TNXB: variants seen among roughly 807,000 people sequenced by gnomAD.
The protein encoded by TNXB is tenascin-X.
Under a neutral mutation model 340.5 loss-of-function variants are expected in TNXB, and 183 were observed. The observed-to-expected ratio is 0.54, with a 90% confidence interval of 0.48 to 0.61. The LOEUF is 0.61. Ranked by LOEUF, TNXB falls within the 20% of genes least tolerant of loss-of-function variation. The pLI is 0.00. For missense variants in TNXB, 4,613 were observed against 5,446.4 expected (o/e 0.85, Z 4.82); for synonymous variants, 2,121 against 2,314.5 (o/e 0.92, Z 2.40).
chr6:32,059,730 T>TC (rs1777898415), intron 21 of TNXB, among the ~76,000 whole-genome samples: 1 of 151,930 alleles, frequency 6.6e-6, no homozygotes, highest in South Asian at 2.1e-4. Flanking sequence ...ATGAGGCCTC[T>TC]CCCCCAGGAA....
At position 32,084,359 on chromosome 6, in the gene TNXB, G is replaced by A; in HGVS notation, c.3445+54C>T. ...TCCCAAAGCAGGTTCCCAAAGCACT[G>A]AGAAAACCTCTTCAGGGCAGTACAG... On this transcript the variant is annotated intron_variant, in intron 8 of 43. Coordinates refer to ENST00000644971, the MANE Select transcript of TNXB (RefSeq NM_001365276.2). This position sits in a 1 kb window ranked among gnomAD's most constrained non-coding sequence, Gnocchi z 5.5. The A allele has an allele frequency of 6.7e-7, 1 of 1,490,676 alleles. No individual in the cohort carries two copies. Among genetic ancestry groups the A allele is most frequent in the Middle Eastern group, 1.8e-4 (1 of 5,548 alleles). The allele number at this position is 1,490,676 out of a possible 1,614,324, so 92.3% of individuals were successfully genotyped here.
In TNXB at chr6:32,097,335, G is replaced by A; in HGVS notation, c.518C>T (p.Ala173Val). Residue 173 changes from alanine (A) to valine (V), a missense_variant, in exon 3 of 44, where the codon GCT (alanine) becomes GTT (valine). Physicochemically the swap from Ala to Val is moderately conservative, Grantham distance 64 (BLOSUM62 0). This residue lies in a region of TNXB where 4,327 missense variants were observed against 4,859.4 expected (regional missense o/e 0.89). Coordinates refer to ENST00000644971, the MANE Select transcript of TNXB (RefSeq NM_001365276.2). This position sits in a 1 kb window ranked among gnomAD's most constrained non-coding sequence, Gnocchi z 5.9. ...GGPTCSDPTD[A>V]EIPPSSPPSA... ...GGGTGGGGAAGAGGGAGGGATCTCA[G>A]CATCTGTGGGGTCTGAGCAGGTGGG... is the stretch of plus-strand genomic sequence containing the variant. 1 of 1,613,486 alleles carries A rather than the reference G, an allele frequency of 6.2e-7. No homozygotes were observed. Among genetic ancestry groups the A allele is most frequent in the Non-Finnish European group, 8.5e-7 (1 of 1,179,882 alleles).
Position 32,070,096 on chromosome 6 carries a change from A to G in TNXB, c.5278+31T>C. 1 of 1,515,374 alleles carries G rather than the reference A, an allele frequency of 6.6e-7. No homozygotes were observed. The allele number at this position is 1,515,374 out of a possible 1,614,324, so 93.9% of individuals were successfully genotyped here. ...GTCTGCTGCTTGGCCTGAGGGGAGC[A>G]GAGCAGGGACCTGCAGGGAATGCCC... is the stretch of plus-strand genomic sequence containing the variant. On this transcript the variant is annotated intron_variant, in intron 14 of 43. Coordinates refer to ENST00000644971, the MANE Select transcript of TNXB (RefSeq NM_001365276.2). The surrounding 1 kb of genome is among the most constrained non-coding windows in gnomAD (Gnocchi z 6.0).
chr6:32,092,118 C>T (rs1372029909), intron 4 of TNXB, among the ~76,000 whole-genome samples: 1 of 152,162 alleles, frequency 6.6e-6, no homozygotes, highest in Non-Finnish European at 1.5e-5. Context: ...CTTAGGGGGC[C>T]TCAGGCTGGA....
chr6:32,060,332 CA>C (rs9279480), intron 21 of TNXB, among the ~76,000 whole-genome samples: 5,211 of 128,936 alleles, frequency 0.04, 207 homozygotes, highest in African/African-American at 0.079. Flanking sequence ...AACTTCATCT[CA>C]AAAAAAAAAA....
Position 32,088,922 on chromosome 6 carries a change from C to T in TNXB, c.2642G>A (p.Arg881Lys), listed in dbSNP as rs1488029406. 6.2e-7 allele frequency: 1 copy of T among 1,601,364 alleles called. No homozygotes were observed. Among genetic ancestry groups the T allele is most frequent in the African/African-American group, 1.3e-5 (1 of 74,680 alleles). ...VVSYVSAGNQRVRLEVPPEAD... is the reference protein window; with the variant it reads ...VVSYVSAGNQKVRLEVPPEAD... Reference sequence around the variant, plus strand: ...TTCAGGGGGCACTTCCAGCCTCACCCTCTGGTTGCCGGCACTGACGTAGGA... The same window carrying T: ...TTCAGGGGGCACTTCCAGCCTCACCTTCTGGTTGCCGGCACTGACGTAGGA... Residue 881 changes from arginine (R) to lysine (K), a missense_variant, in exon 6 of 44, where the codon AGG becomes AAG. Physicochemically the swap from Arg to Lys is conservative, Grantham distance 26. This residue lies in a region of TNXB where 4,327 missense variants were observed against 4,859.4 expected (regional missense o/e 0.89). Coordinates refer to ENST00000644971, the MANE Select transcript of TNXB (RefSeq NM_001365276.2).
chr6:32,059,410 C>A (rs1777876303), intron 21 of TNXB, among the ~76,000 whole-genome samples: 2 of 128,548 alleles, frequency 1.6e-5, no homozygotes, highest in African/African-American at 6.0e-5. Context: ...CAGAGTGAGA[C>A]TCAGTCTCAA....
In TNXB at chr6:32,095,693, T is replaced by C; in HGVS notation, c.2160A>G (p.Pro720=). 6.2e-7 allele frequency: 1 copy of C among 1,610,568 alleles called. No homozygotes were observed. Among genetic ancestry groups the C allele is most frequent in the Non-Finnish European group, 8.5e-7 (1 of 1,178,440 alleles). Residue 720 remains proline (P), a synonymous_variant, in exon 3 of 44, where the codon CCA becomes CCG. Transcript: ENST00000644971. Reference sequence around the variant, plus strand: ...ACTCTCCTCGGCCACGGCAGTCCCCTGGGCATGTCTGGATGGCACAGTCAG... The same window carrying C: ...ACTCTCCTCGGCCACGGCAGTCCCCCGGGCATGTCTGGATGGCACAGTCAG... ...RGPDCAIQTC[P]GDCRGRGECH...
chr6:32,089,556 G>C lies in TNXB; in HGVS notation c.2359-177C>G, dbSNP rs937322158. Among the ~76,000 whole-genome samples, 10 of 152,200 alleles carry C rather than the reference G, an allele frequency of 6.6e-5. No individual in the cohort carries two copies. The highest frequency in any genetic ancestry group is 2.6e-4 in the Admixed American group (4 of 15,286). On this transcript the variant is annotated intron_variant, in intron 4 of 43. Coordinates refer to ENST00000644971, the MANE Select transcript of TNXB (RefSeq NM_001365276.2). This position sits in a 1 kb window ranked among gnomAD's most constrained non-coding sequence, Gnocchi z 6.2. ...GAGCGCTAACTCCTTGTGAGCCACT[G>C]TTCTAGGCGAGGTACACACATGAAC... is the stretch of plus-strand genomic sequence containing the variant.
Position 32,046,020 on chromosome 6 carries a change from A to G in TNXB, c.10606+155T>C. On this transcript the variant is annotated intron_variant, in intron 31 of 43. Coordinates refer to ENST00000644971, the MANE Select transcript of TNXB (RefSeq NM_001365276.2). This position sits in a 1 kb window ranked among gnomAD's most constrained non-coding sequence, Gnocchi z 6.9. Reference sequence around the variant, plus strand: ...CTCTGGACTCCTTGATGGATGTTGAAGCCCACAGGGCTGCAGACTCCTCCT... The same window carrying G: ...CTCTGGACTCCTTGATGGATGTTGAGGCCCACAGGGCTGCAGACTCCTCCT... 1 of 1,382,982 alleles carries G rather than the reference A, an allele frequency of 7.2e-7. No homozygotes were observed. The highest frequency in any genetic ancestry group is 2.5e-5 in the East Asian group (1 of 39,388). The allele number at this position is 1,382,982 out of a possible 1,614,324, so 85.7% of individuals were successfully genotyped here.
rs1779058371 is a variant in TNXB, at chr6:32,075,926, G to A, written c.4376-1974C>T. Among the ~76,000 whole-genome samples, 1 of 152,332 alleles carries A rather than the reference G, an allele frequency of 6.6e-6. No homozygotes were observed. On this transcript the variant is annotated intron_variant, in intron 11 of 43. Transcript: ENST00000644971. This position sits in a 1 kb window ranked among gnomAD's most constrained non-coding sequence, Gnocchi z 4.6. The stretch of plus-strand genomic sequence containing the variant: ...GAGGGCAAGACAAGGCTCCAAGCAA[G>A]TGACAACTGCTTAAAACAGGCTGGT...
chr6:32,062,556 T>G lies in TNXB; in HGVS notation c.6842-73A>C. ...TAACCAAGGGACTCTGGGATTCTCT[T>G]AGACACACCAAGGGCCCACAGTCTG... On this transcript the variant is annotated intron_variant, in intron 19 of 43. Transcript: ENST00000644971. The surrounding 1 kb of genome is among the most constrained non-coding windows in gnomAD (Gnocchi z 4.3). 1 of 1,401,912 alleles carries G rather than the reference T, an allele frequency of 7.1e-7. No individual in the cohort carries two copies. The highest frequency in any genetic ancestry group is 1.4e-5 in the South Asian group (1 of 71,418). 86.8% of individuals were successfully genotyped at this position (1,401,912 alleles called of 1,614,324 possible).
At position 32,070,034 on chromosome 6, in the gene TNXB, G is replaced by T; in HGVS notation, c.5278+93C>A. 7.0e-7 allele frequency: 1 copy of T among 1,432,954 alleles called. No individual in the cohort carries two copies. Among genetic ancestry groups the T allele is most frequent in the Non-Finnish European group, 9.2e-7 (1 of 1,089,360 alleles). 88.8% of individuals were successfully genotyped at this position (1,432,954 alleles called of 1,614,324 possible). On this transcript the variant is annotated intron_variant, in intron 14 of 43. Coordinates refer to ENST00000644971, the MANE Select transcript of TNXB (RefSeq NM_001365276.2). This position sits in a 1 kb window ranked among gnomAD's most constrained non-coding sequence, Gnocchi z 6.0. The stretch of plus-strand genomic sequence containing the variant: ...AGCTGGATCTGAGCCGAGTGGCTGG[G>T]GCCAAATAATGGTAATGGCAGCCAC...
Position 32,069,605 on chromosome 6 carries a change from G to A in TNXB, c.5535C>T (p.Tyr1845=), listed in dbSNP as rs778894469. 7.5e-6 allele frequency: 12 copies of A among 1,604,516 alleles called. No homozygotes were observed. Among genetic ancestry groups the A allele is most frequent in the East Asian group, 2.2e-5 (1 of 44,682 alleles). ...DPAHRYKLLL[Y]GLHHGKRVGP... ...CCACACGCTTGCCGTGGTGCAGCCC[G>A]TAGAGCAGCAGCTTGTACCTGTGGG... Residue 1845 remains tyrosine (Y), a synonymous_variant, in exon 15 of 44, where the codon TAC becomes TAT. Coordinates refer to ENST00000644971, the MANE Select transcript of TNXB (RefSeq NM_001365276.2). The surrounding 1 kb of genome is among the most constrained non-coding windows in gnomAD (Gnocchi z 6.2).
Position 32,082,457 on chromosome 6 carries a change from T to G in TNXB, c.3446-131A>C. 15 of 905,530 alleles carry G rather than the reference T, an allele frequency of 1.7e-5. No individual in the cohort carries two copies. The highest frequency in any genetic ancestry group is 2.5e-5 in the Non-Finnish European group (15 of 605,498). The allele number at this position is 905,530 out of a possible 1,614,324, so 56.1% of individuals were successfully genotyped here. ...CACAAAAGTGCATTTGCTGAGGGAG[T>G]ACAGAGGGACTGAAATCCAGCCAGC... On this transcript the variant is annotated intron_variant, in intron 8 of 43. Transcript: ENST00000644971. The surrounding 1 kb of genome is among the most constrained non-coding windows in gnomAD (Gnocchi z 5.0).
At chr6:32,098,609 T>C (rs1448548538) in intron 1 of TNXB, among the ~76,000 whole-genome samples, 1 of 152,024 alleles carries the variant, frequency 6.6e-6, no homozygotes, top group Non-Finnish European at 1.5e-5. Flanking sequence ...GCCTCCTGAG[T>C]AGCTGGGATT....
chr6:32,087,922 G>T lies in TNXB; in HGVS notation c.2779+863C>A, dbSNP rs368048229. ...GGGCCGTGGGGGCCGCGGGGCTGGG[G>T]CTGGCCGGGGCCGGGACTTGGGGGG... On this transcript the variant is annotated intron_variant, in intron 6 of 43. Coordinates refer to ENST00000644971, the MANE Select transcript of TNXB (RefSeq NM_001365276.2). This position sits in a 1 kb window ranked among gnomAD's most constrained non-coding sequence, Gnocchi z 9.0. 0.011 allele frequency: 3,406 copies of T among 321,246 alleles called. 69 individuals are homozygous for T. Among genetic ancestry groups the T allele is most frequent in the Admixed American group, 0.034 (746 of 22,168 alleles). 19.9% of individuals were successfully genotyped at this position (321,246 alleles called of 1,614,324 possible).
Position 32,049,261 on chromosome 6 carries a change from C to T in TNXB, c.9757+9G>A. The T allele has an allele frequency of 6.2e-7, 1 of 1,606,216 alleles. No individual in the cohort carries two copies. The highest frequency in any genetic ancestry group is 8.5e-7 in the Non-Finnish European group (1 of 1,175,432). ...AAACCTGGGGACGAGGGCCTGTCCC[C>T]CCACTCACCCGTGATGCCCACGGTG... On this transcript the variant is annotated intron_variant, in intron 28 of 43. Transcript: ENST00000644971. This position sits in a 1 kb window ranked among gnomAD's most constrained non-coding sequence, Gnocchi z 4.5.
At position 32,058,031 on chromosome 6, in the gene TNXB, A is replaced by C. The variant is rs182404256; in HGVS notation, c.7825+27T>G. ...GGCACATTTTCTAGGGCTGTCTTCC[A>C]ACCCTGCCCCACCCACACTCACTCA... On this transcript the variant is annotated intron_variant, in intron 22 of 43. Coordinates refer to ENST00000644971, the MANE Select transcript of TNXB (RefSeq NM_001365276.2). This position sits in a 1 kb window ranked among gnomAD's most constrained non-coding sequence, Gnocchi z 5.1. The C allele has an allele frequency of 9.1e-4, 1,434 of 1,574,540 alleles. 8 individuals are homozygous for C. The highest frequency in any genetic ancestry group is 1.2e-3 in the Admixed American group (63 of 53,220).
Sources: allele counts gnomAD v4.1 joint callset (sites outside exome capture counted in the v4.1 genomes callset), GRCh38; gene constraint gnomAD v4.1.1; regional missense constraint gnomAD v4.1.1; non-coding constraint Gnocchi (gnomAD v3.1); transcripts MANE v1.5; gene names NCBI Gene and HGNC (gene_info 2026-07-23, HGNC 2026-07-21).